Variants in SGCD observed in about 807,000 individuals in gnomAD.
SGCD encodes the protein delta-sarcoglycan.
A neutral mutation model predicts 36.6 loss-of-function variants in SGCD; 18 were observed. The observed-to-expected ratio is 0.49, with a 90% CI of 0.34 to 0.73. The LOEUF (loss-of-function observed/expected upper bound fraction) is 0.73, where lower values mean the gene tolerates loss of function less well. Ranked by LOEUF, SGCD falls within the 30% of genes least tolerant of loss-of-function variation. The probability of loss-of-function intolerance (pLI) is 0.01; values close to 1 mark genes in which losing one functional copy is unlikely to be tolerated. For missense variants in SGCD, 387 were observed against 346.7 expected (o/e 1.12, Z -0.92); for synonymous variants, 133 against 130.6 (o/e 1.02, Z -0.12).
the SGCD span, among the ~76,000 whole-genome samples, chr5:155,764,532 A>G: frequency 6.6e-6 from 1 of 152,256 alleles, no homozygotes; most frequent in East Asian, 1.9e-4. Context: ...GCTGTTCAGG[A>G]GGCACTTTTC....
intron 3 of SGCD, among the ~76,000 whole-genome samples, chr5:156,169,213 G>A (rs553509048): frequency 3.9e-5 from 6 of 152,308 alleles, no homozygotes; most frequent in Admixed American, 2.6e-4. Flanking sequence ...TTGTTTATAG[G>A]AAACGAAGGA....
At chr5:156,092,745 T>A (rs1408922659) in intron 1 of SGCD, among the ~76,000 whole-genome samples, 1 of 152,218 alleles carries the variant, frequency 6.6e-6, no homozygotes, top group Non-Finnish European at 1.5e-5. Context: ...GAAAGTTACT[T>A]GAGCATTTAA....
rs145566435 is a variant in SGCD, at chr5:155,905,784, T to G, written c.-282+35360T>G. Among the ~76,000 whole-genome samples the G allele has an allele frequency of 5.9e-5, 9 of 152,234 alleles. No individual in the cohort carries two copies. The East Asian group carries it at 1.7e-3, about 29-fold the overall frequency. ...TGGGTTTATCAGGGGTTTCTGCTTT[T>G]GCTTTTTCCTCATTTTTCTCTTGCT... On this transcript the variant is annotated intron_variant, in intron 1 of 9. Coordinates refer to the SGCD transcript ENST00000517913.
intron 1 of SGCD, among the ~76,000 whole-genome samples, chr5:156,046,262 A>G (rs1357287017): frequency 1.3e-5 from 2 of 152,140 alleles, no homozygotes; most frequent in Non-Finnish European, 2.9e-5. Flanking sequence ...CTTTCAATGA[A>G]TTCCCCACAT....
At chr5:156,229,634 C>A (rs1022043625) in intron 3 of SGCD, among the ~76,000 whole-genome samples, 2 of 152,038 alleles carry the variant, frequency 1.3e-5, no homozygotes, top group African/African-American at 4.8e-5. Context: ...AACCTGATGA[C>A]AATGTGCCTA....
intron 3 of SGCD, among the ~76,000 whole-genome samples, chr5:156,258,548 A>T (rs999145383): frequency 2.6e-5 from 4 of 152,190 alleles, no homozygotes; most frequent in Non-Finnish European, 4.4e-5. Flanking sequence ...TGTCTAAAAA[A>T]TGGCTATTAA....
At chr5:156,018,314 A>G (rs17536228) in intron 1 of SGCD, among the ~76,000 whole-genome samples, 2,278 of 152,328 alleles carry the variant, frequency 0.015, 29 homozygotes, top group Non-Finnish European at 0.026. Flanking sequence ...AATATCCGCT[A>G]GTGTCTGTTA....
At chr5:156,647,768 A>G (rs2113586572) in intron 7 of SGCD, among the ~76,000 whole-genome samples, 1 of 152,276 alleles carries the variant, frequency 6.6e-6, no homozygotes, top group East Asian at 1.9e-4. Context: ...ATCTAGATTC[A>G]TTCATTTGGA....
chr5:156,218,885 T>C (rs762522787), intron 3 of SGCD, among the ~76,000 whole-genome samples: 1 of 152,214 alleles, frequency 6.6e-6, no homozygotes, highest in Non-Finnish European at 1.5e-5. Flanking sequence ...TAATGCTGTC[T>C]TCTTTCCATC....
rs1171072619 is a variant in SGCD at position 156,032,706 on chromosome 5, CAAAAAAAAAAA to C, written c.-281-85152_-281-85142del. 5.0e-3 allele frequency among the ~76,000 whole-genome samples: 76 copies of C among 15,070 alleles called. 2 individuals carry two copies. Among genetic ancestry groups the C allele is most frequent in the African/African-American group, 7.6e-3 (51 of 6,710 alleles). 9.9% of individuals were successfully genotyped at this position (15,070 alleles called of 152,430 possible). On this transcript the variant is annotated intron_variant, in intron 1 of 9. Transcript: ENST00000517913. ...TGGGCGACAGAGCAAGACTCCGTCT[CAAAAAAAAAAA>C]AAAAAAAAAAAAAAAAAAAGAGTGT...
intron 1 of SGCD, among the ~76,000 whole-genome samples, chr5:155,915,309 A>C (rs1343543502): frequency 6.6e-6 from 1 of 152,146 alleles, no homozygotes; most frequent in Non-Finnish European, 1.5e-5. Context: ...AATTTGAGTA[A>C]GGTTTTTCGT....
At chr5:156,205,452 T>A (rs1425751719) in intron 3 of SGCD, among the ~76,000 whole-genome samples, 3 of 152,104 alleles carry the variant, frequency 2.0e-5, no homozygotes, top group Non-Finnish European at 4.4e-5. Context: ...AAAGGTTGAA[T>A]TAAGCTAGAT....
intron 1 of SGCD, among the ~76,000 whole-genome samples, chr5:156,085,688 T>C (rs1309023019): frequency 6.6e-6 from 1 of 152,248 alleles, no homozygotes; most frequent in Non-Finnish European, 1.5e-5. Flanking sequence ...AAAGATATTG[T>C]GTAAAATTAC....
intron 3 of SGCD, among the ~76,000 whole-genome samples, chr5:156,465,193 C>T (rs1465772486): frequency 2.0e-5 from 3 of 152,122 alleles, no homozygotes; most frequent in Admixed American, 6.6e-5. Flanking sequence ...CTCCTACCTA[C>T]CTGTTACAGG....
chr5:156,225,743 A>G (rs563150187), intron 3 of SGCD, among the ~76,000 whole-genome samples: 15 of 152,254 alleles, frequency 9.9e-5, no homozygotes, highest in Non-Finnish European at 1.9e-4. Flanking sequence ...TTACTGAAGT[A>G]GTAATTGTAA....
intron 1 of SGCD, among the ~76,000 whole-genome samples, chr5:155,903,412 A>G (rs1450844178): frequency 6.6e-6 from 1 of 152,146 alleles, no homozygotes; most frequent in Non-Finnish European, 1.5e-5. Context: ...TGTTTTCAAC[A>G]AGGTCTCTTC....
At chr5:156,128,528 G>A (rs1581116522) in intron 3 of SGCD, among the ~76,000 whole-genome samples, 1 of 152,162 alleles carries the variant, frequency 6.6e-6, no homozygotes, top group African/African-American at 2.4e-5. Context: ...AGATGATATG[G>A]TTTGGCTCTG....
chr5:156,645,277 A>G (rs544386094), intron 6 of SGCD, among the ~76,000 whole-genome samples: 151 of 152,284 alleles, frequency 9.9e-4, no homozygotes, highest in African/African-American at 3.5e-3. Context: ...AAATAATAAA[A>G]TTGAGAATAA....
At chr5:156,473,721 G>C (rs1490576643) in intron 3 of SGCD, among the ~76,000 whole-genome samples, 1 of 152,122 alleles carries the variant, frequency 6.6e-6, no homozygotes, top group African/African-American at 2.4e-5. Flanking sequence ...AGAATTTCAG[G>C]CTTCACCCTG....
Sources: gnomAD v4.1 joint callset for allele counts (sites outside exome capture counted in the v4.1 genomes callset) on GRCh38, gnomAD v4.1.1 for gene constraint, MANE v1.5 for transcripts, NCBI Gene and HGNC (gene_info 2026-07-23, HGNC 2026-07-21) for gene names.